Variants in CWC27 observed in about 807,000 individuals in gnomAD.
CWC27 encodes the protein spliceosome-associated protein CWC27 homolog.
A neutral mutation model predicts 63.6 loss-of-function variants in CWC27; 47 were observed. The observed-to-expected ratio is 0.74, with a 90% confidence interval of 0.58 to 0.94. The LOEUF (loss-of-function observed/expected upper bound fraction) is 0.94. Among genes scored for constraint, CWC27 ranks in the 40% least tolerant of loss-of-function variants. The pLI is 0.00. For synonymous variants in CWC27, 175 were observed against 179.8 expected, an observed-to-expected ratio of 0.97 and a Z score of 0.22; for missense variants, 495 against 554.3, an observed-to-expected ratio of 0.89 and a Z score of 1.07.
At chr5:64,842,756 A>G (rs548717064) in intron 10 of CWC27, among the ~76,000 whole-genome samples, 2 of 152,142 alleles carry the variant, frequency 1.3e-5, no homozygotes, top group African/African-American at 4.8e-5. Context: ...GCACACCACC[A>G]TGCCCGGCTT....
intron 11 of CWC27, among the ~76,000 whole-genome samples, chr5:64,945,595 A>G (rs919854096): frequency 6.6e-6 from 1 of 152,154 alleles, no homozygotes. Flanking sequence ...TTTCTCTCTG[A>G]CAAGAGCCCA....
chr5:64,856,506 T>C (rs905627776), intron 10 of CWC27, among the ~76,000 whole-genome samples: 1 of 151,674 alleles, frequency 6.6e-6, no homozygotes, highest in Non-Finnish European at 1.5e-5. Context: ...AGTTCCCAAA[T>C]TTTAATCTAA....
At chr5:64,887,835 A>G (rs1448073576) in intron 11 of CWC27, among the ~76,000 whole-genome samples, 1 of 152,202 alleles carries the variant, frequency 6.6e-6, no homozygotes, top group Non-Finnish European at 1.5e-5. Context: ...GCCAATTTTA[A>G]AAGATCACAG....
intron 10 of CWC27, among the ~76,000 whole-genome samples, chr5:64,843,794 A>G (rs1745905919): frequency 2.0e-5 from 3 of 152,206 alleles, no homozygotes; most frequent in African/African-American, 7.2e-5. Flanking sequence ...ATGGAAGTAT[A>G]GTTATAGTCA....
intron 11 of CWC27, among the ~76,000 whole-genome samples, chr5:64,921,668 T>G (rs1448414491): frequency 6.6e-6 from 1 of 152,190 alleles, no homozygotes. Context: ...TCAGGGTCAA[T>G]ATTGATATTT....
At chr5:64,910,703 T>G (rs1747767335) in intron 11 of CWC27, among the ~76,000 whole-genome samples, 1 of 152,154 alleles carries the variant, frequency 6.6e-6, no homozygotes, top group Non-Finnish European at 1.5e-5. Context: ...CAGGTCAGTC[T>G]CAGACTGCCG....
chr5:64,874,734 T>C (rs1746756696), intron 10 of CWC27, among the ~76,000 whole-genome samples: 1 of 152,056 alleles, frequency 6.6e-6, no homozygotes, highest in Non-Finnish European at 1.5e-5. Context: ...CCTCCTCATT[T>C]TCCAAACCCT....
intron 13 of CWC27, among the ~76,000 whole-genome samples, chr5:65,007,750 C>T (rs1214039662): frequency 6.6e-6 from 1 of 152,036 alleles, no homozygotes. Flanking sequence ...GCCTCAGCCT[C>T]CCATGTAGCT....
At chr5:64,994,856 A>G (rs1459806412) in intron 13 of CWC27, among the ~76,000 whole-genome samples, 1 of 152,102 alleles carries the variant, frequency 6.6e-6, no homozygotes, top group East Asian at 1.9e-4. Flanking sequence ...ATCATTGCCA[A>G]TTTCTACCTT....
intron 10 of CWC27, among the ~76,000 whole-genome samples, chr5:64,868,593 G>A (rs1195336427): frequency 6.6e-6 from 1 of 152,018 alleles, no homozygotes; most frequent in Non-Finnish European, 1.5e-5. Context: ...TGGGAGTAAA[G>A]ACCAGCAATC....
Position 64,977,036 on chromosome 5 carries a change from A to T in CWC27, c.1153-99A>T, listed in dbSNP as rs116152420. On this transcript the variant is annotated intron_variant, in intron 12 of 13. Transcript: ENST00000381070. ...TTCAAAATCAAACATTTTGTTTTAC[A>T]TCCAAGTAGGATATTTCCTTTTCTA... 1.4e-3 allele frequency: 897 copies of T among 623,172 alleles called. 2 individuals are homozygous for T. Among genetic ancestry groups the T allele is most frequent in the African/African-American group, 0.014 (762 of 52,986 alleles). The allele number at this position is 623,172 out of a possible 1,614,324, so 38.6% of individuals were successfully genotyped here. A position where few individuals can be genotyped will look rare whatever the true frequency, so the allele number is the denominator to read the frequency against.
chr5:64,951,944 C>T (rs1477311698), intron 11 of CWC27, among the ~76,000 whole-genome samples: 2 of 151,736 alleles, frequency 1.3e-5, no homozygotes, highest in African/African-American at 4.8e-5. Flanking sequence ...TATGTAGGTA[C>T]TACTGAATGA....
At chr5:65,014,218 T>C (rs1316069957) in intron 13 of CWC27, among the ~76,000 whole-genome samples, 2 of 35,382 alleles carry the variant, frequency 5.7e-5, no homozygotes, top group Non-Finnish European at 9.5e-5. Flanking sequence ...ATATATACTA[T>C]ATACTACAAT....
At chr5:64,884,207 A>G (rs898542056) in intron 10 of CWC27, 2 of 152,162 alleles carry the variant, frequency 1.3e-5, no homozygotes, top group African/African-American at 4.8e-5. Context: ...ACCATGAACT[A>G]CAGTTAAGGA....
chr5:64,817,828 A>G (rs1745086227), intron 10 of CWC27, among the ~76,000 whole-genome samples: 2 of 152,092 alleles, frequency 1.3e-5, no homozygotes, highest in Non-Finnish European at 2.9e-5. Flanking sequence ...TGTTTTTACC[A>G]TTTAAATGCA....
intron 11 of CWC27, among the ~76,000 whole-genome samples, chr5:64,887,035 A>G (rs1298518817): frequency 6.6e-6 from 1 of 152,168 alleles, no homozygotes; most frequent in Non-Finnish European, 1.5e-5. Flanking sequence ...TCTTTCAACT[A>G]GAAAGAATAA....
At chr5:64,987,317 T>C (rs1184056370) in intron 13 of CWC27, among the ~76,000 whole-genome samples, 1 of 152,206 alleles carries the variant, frequency 6.6e-6, no homozygotes, top group Non-Finnish European at 1.5e-5. Flanking sequence ...TAATATTTTA[T>C]CATTTCAAGA....
At chr5:64,820,915 A>C (rs1191011259) in intron 10 of CWC27, among the ~76,000 whole-genome samples, 3 of 151,866 alleles carry the variant, frequency 2.0e-5, no homozygotes, top group Admixed American at 6.6e-5. Flanking sequence ...GATGAAGTAA[A>C]CTTTATCAAA....
chr5:64,811,488 C>A (rs919541441), intron 10 of CWC27, among the ~76,000 whole-genome samples: 3 of 151,816 alleles, frequency 2.0e-5, no homozygotes, highest in African/African-American at 4.8e-5. Flanking sequence ...TTAATTACAT[C>A]AAATTGAAAT....
Sources: allele counts gnomAD v4.1 joint callset (sites outside exome capture counted in the v4.1 genomes callset), GRCh38; gene constraint gnomAD v4.1.1; transcripts MANE v1.5; gene names NCBI Gene and HGNC (gene_info 2026-07-23, HGNC 2026-07-21).